The following ADGRL2 variants were observed in gnomAD, a reference collection of about 807,000 sequenced individuals.
ADGRL2 encodes calcium-independent alpha-latrotoxin receptor 2.
Under a neutral mutation model 157.4 loss-of-function variants are expected in ADGRL2, and 44 were observed. The observed-to-expected ratio is 0.28, with a 90% CI of 0.22 to 0.36. The LOEUF is 0.36. Ranked by LOEUF, ADGRL2 falls within the 10% of genes least tolerant of loss-of-function variation. ADGRL2 has a pLI of 1.00. For synonymous variants in ADGRL2, 585 were observed against 624.7 expected, an observed-to-expected ratio of 0.94 and a Z score of 0.95; for missense variants, 1,510 against 1,768.9, an observed-to-expected ratio of 0.85 and a Z score of 2.63.
intron 3 of ADGRL2, among the ~76,000 whole-genome samples, chr1:81,917,841 TAGA>T (rs202049465): frequency 0.16 from 25,068 of 152,182 alleles, 2,506 homozygotes; most frequent in Middle Eastern, 0.31. Flanking sequence ...TCTCTAAAGA[TAGA>T]TTCATGGTAA....
chr1:81,322,523 A>G (rs184587900), intron 1 of ADGRL2, among the ~76,000 whole-genome samples: 28 of 152,252 alleles, frequency 1.8e-4, no homozygotes, highest in Non-Finnish European at 2.5e-4. Flanking sequence ...CATAAGTTTA[A>G]TATGCACCAG....
At position 81,966,607 on chromosome 1, in the gene ADGRL2, G is replaced by A; in HGVS notation, c.2347G>A (p.Asp783Asn). Residue 783 changes from aspartate (D) to asparagine (N), a missense_variant and splice_region_variant, in exon 13 of 24, where the codon GAT becomes AAT. Around this residue, in one of 4 missense-constraint regions of ADGRL2, gnomAD observed 497 missense variants for 627.2 expected, o/e 0.79. Coordinates refer to ENST00000686636, the MANE Select transcript of ADGRL2 (RefSeq NM_001366006.2). ...TGTGCTTTTTACCCTGCCACACATT[G>A]ATGTAAGTTAATGTATGCTAATGAA... is the stretch of plus-strand genomic sequence containing the variant. ...DPVLFTLPHI[D>N]PDNYFNANCS... The A allele has an allele frequency of 6.2e-7, 1 of 1,611,150 alleles. No individual in the cohort carries two copies. Among genetic ancestry groups the A allele is most frequent in the African/African-American group, 1.3e-5 (1 of 74,974 alleles).
intron 3 of ADGRL2, among the ~76,000 whole-genome samples, chr1:81,670,401 G>A (rs918723346): frequency 5.9e-5 from 9 of 152,134 alleles, no homozygotes; most frequent in Non-Finnish European, 2.9e-5. Context: ...AACTCCCACT[G>A]ATGGCAGTAG....
In ADGRL2 at chr1:81,543,252, T is replaced by C. The variant is rs556173513; in HGVS notation, c.-247-37624T>C. Among the ~76,000 whole-genome samples the C allele has an allele frequency of 6.1e-4, 90 of 148,136 alleles. 1 individual carries two copies. The highest frequency in any genetic ancestry group is 1.0e-3 in the Non-Finnish European group (69 of 67,988). ...TGGGGCCTTTGCTAGGTGATTCAAG[T>C]GTGAGGGCAGAGCCCTCACGAATGG... On this transcript the variant is annotated intron_variant, in intron 2 of 24. Transcript: ENST00000370721.
chr1:81,406,523 G>C (rs2076856272), intron 1 of ADGRL2, among the ~76,000 whole-genome samples: 1 of 152,176 alleles, frequency 6.6e-6, no homozygotes, highest in Admixed American at 6.5e-5. Context: ...AAGAGGCTTA[G>C]GTAATACAGC....
chr1:81,883,570 A>T (rs1025941372), intron 2 of ADGRL2, among the ~76,000 whole-genome samples: 2 of 152,190 alleles, frequency 1.3e-5, no homozygotes, highest in African/African-American at 4.8e-5. Flanking sequence ...AATAAATTTC[A>T]TACCATGAGA....
chr1:81,760,337 G>C (rs187712632), intron 1 of ADGRL2, among the ~76,000 whole-genome samples: 338 of 152,244 alleles, frequency 2.2e-3, no homozygotes, highest in Non-Finnish European at 4.1e-3. Context: ...AAATGTGCAA[G>C]AAGTGAGATA....
chr1:81,690,549 G>A (rs1455568322), intron 3 of ADGRL2, among the ~76,000 whole-genome samples: 7 of 152,118 alleles, frequency 4.6e-5, no homozygotes, highest in East Asian at 1.9e-4. Context: ...CATTTAATCC[G>A]GGACTATCTT....
chr1:81,375,236 C>T (rs938170185), intron 1 of ADGRL2, among the ~76,000 whole-genome samples: 2 of 152,084 alleles, frequency 1.3e-5, no homozygotes, highest in African/African-American at 4.8e-5. Context: ...CTCAAGGAGT[C>T]AAGAAAACTT....
At chr1:81,526,498 T>C (rs1204443124) in intron 2 of ADGRL2, among the ~76,000 whole-genome samples, 1 of 152,140 alleles carries the variant, frequency 6.6e-6, no homozygotes, top group African/African-American at 2.4e-5. Flanking sequence ...CTTTTAAAAA[T>C]ATAAAGAAAG....
At chr1:81,742,692 C>T (rs1166078876) in intron 1 of ADGRL2, among the ~76,000 whole-genome samples, 2 of 152,058 alleles carry the variant, frequency 1.3e-5, no homozygotes, top group East Asian at 1.9e-4. Flanking sequence ...CAGCCCCTAG[C>T]GTACTAAGAG....
chr1:81,497,589 A>T (rs902441849), intron 2 of ADGRL2, among the ~76,000 whole-genome samples: 6 of 152,174 alleles, frequency 3.9e-5, no homozygotes, highest in Admixed American at 2.0e-4. Flanking sequence ...TTATGTTGTG[A>T]TATATCTAGA....
intron 17 of ADGRL2, among the ~76,000 whole-genome samples, chr1:81,976,648 A>C (rs1660273734): frequency 6.6e-6 from 1 of 151,960 alleles, no homozygotes; most frequent in Non-Finnish European, 1.5e-5. Context: ...TTATGAGCTT[A>C]TGTGATATTT....
chr1:81,608,474 C>T (rs2081477540), intron 3 of ADGRL2, among the ~76,000 whole-genome samples: 1 of 152,114 alleles, frequency 6.6e-6, no homozygotes, highest in South Asian at 2.1e-4. Context: ...GGAAAAAGAG[C>T]ACTATACTCA....
At chr1:81,888,338 C>T (rs561877374) in intron 2 of ADGRL2, among the ~76,000 whole-genome samples, 157 of 152,158 alleles carry the variant, frequency 1.0e-3, no homozygotes, top group African/African-American at 3.3e-3. Flanking sequence ...TTGCAAAATG[C>T]CCAAGTAAAT....
chr1:81,427,857 A>G (rs1265349720), intron 1 of ADGRL2, among the ~76,000 whole-genome samples: 4 of 152,202 alleles, frequency 2.6e-5, no homozygotes, highest in Non-Finnish European at 2.9e-5. Context: ...AGTGTCAATT[A>G]CATGTATACT....
At chr1:81,473,900 A>G (rs956812460) in intron 2 of ADGRL2, among the ~76,000 whole-genome samples, 2 of 152,214 alleles carry the variant, frequency 1.3e-5, no homozygotes, top group African/African-American at 4.8e-5. Flanking sequence ...ATGGTTGCAA[A>G]CACTCTTGGG....
intron 1 of ADGRL2, among the ~76,000 whole-genome samples, chr1:81,758,957 C>T (rs183337344): frequency 2.6e-5 from 4 of 152,170 alleles, no homozygotes. Flanking sequence ...TCTCTTATTC[C>T]TTCCGCTACT....
chr1:81,798,410 T>G (rs1425474135), upstream of ADGRL2, among the ~76,000 whole-genome samples: 4 of 152,140 alleles, frequency 2.6e-5, no homozygotes, highest in Non-Finnish European at 4.4e-5. Context: ...ATTAAAAATC[T>G]TTAATATTTA....
Sources: allele counts gnomAD v4.1 joint callset (sites outside exome capture counted in the v4.1 genomes callset), GRCh38; gene constraint gnomAD v4.1.1; regional missense constraint gnomAD v4.1.1; transcripts MANE v1.5; gene names NCBI Gene and HGNC (gene_info 2026-07-23, HGNC 2026-07-21).